Variants in ARHGAP19 observed in about 807,000 individuals in gnomAD.
ARHGAP19 encodes rho GTPase-activating protein 19.
Under a neutral mutation model 60.9 loss-of-function variants are expected in ARHGAP19, and 48 were observed. The observed-to-expected ratio is 0.79, with a 90% CI of 0.62 to 1.00. The LOEUF is 1.00. Among genes scored for constraint, ARHGAP19 ranks in the 50% least tolerant of loss-of-function variants. ARHGAP19 has a pLI of 0.00. For missense variants in ARHGAP19, 562 were observed against 597.2 expected (o/e 0.94, Z 0.61); for synonymous variants, 209 against 215.5 (o/e 0.97, Z 0.27).
intron 6 of ARHGAP19, among the ~76,000 whole-genome samples, chr10:97,252,851 C>T (rs1011791434): frequency 6.6e-6 from 1 of 152,120 alleles, no homozygotes; most frequent in African/African-American, 2.4e-5. Flanking sequence ...ATATCTGCAT[C>T]CCCATGTTTA....
At chr10:97,276,543 GA>G (rs1490036523) in intron 1 of ARHGAP19, among the ~76,000 whole-genome samples, 2 of 5,420 alleles carry the variant, frequency 3.7e-4, no homozygotes, top group African/African-American at 4.4e-4. Context: ...CCCCATCCGG[GA>G]GGGAGGTGGG....
At chr10:97,251,195 AG>A (rs2134855545) in intron 6 of ARHGAP19, among the ~76,000 whole-genome samples, 1 of 62,038 alleles carries the variant, frequency 1.6e-5, no homozygotes, top group Non-Finnish European at 3.0e-5. Flanking sequence ...AAGGAAGGGA[AG>A]GGGAAAGGGA....
At chr10:97,244,600 T>C (rs1842536542) in intron 7 of ARHGAP19, among the ~76,000 whole-genome samples, 1 of 152,204 alleles carries the variant, frequency 6.6e-6, no homozygotes, top group Non-Finnish European at 1.5e-5. Flanking sequence ...CTCTGACTCT[T>C]GGCTAATACT....
Position 97,246,065 on chromosome 10 carries a change from C to CT in ARHGAP19, c.993+206_993+207insA, listed in dbSNP as rs566533149. On this transcript the variant is annotated intron_variant, in intron 7 of 11. Coordinates refer to ENST00000358531, the MANE Select transcript of ARHGAP19 (RefSeq NM_032900.6). The stretch of plus-strand genomic sequence containing the variant: ...CACTGAGATTACAGGCCTGAGTTAC[C>CT]ATACCTCACATGTGGAGCATTTGTA... Among the ~76,000 whole-genome samples the CT allele has an allele frequency of 6.7e-4, 102 of 152,242 alleles. 1 individual carries two copies. Among genetic ancestry groups the CT allele is most frequent in the African/African-American group, 2.2e-3 (92 of 41,532 alleles).
chr10:97,245,337 A>G, intron 7 of ARHGAP19, among the ~76,000 whole-genome samples: 1 of 151,958 alleles, frequency 6.6e-6, no homozygotes, highest in East Asian at 1.9e-4. Context: ...CTCAATACTC[A>G]TATCTAGGCT....
chr10:97,292,424 CCTCA>C, intron 1 of ARHGAP19, 144 bp downstream of exon 1: 2 of 1,063,474 alleles, frequency 1.9e-6, no homozygotes, highest in Non-Finnish European at 2.8e-6. Context: ...GACCCCCGCG[CCTCA>C]GCCCCCGCAG....
chr10:97,279,097 A>G (rs183060113), intron 1 of ARHGAP19, among the ~76,000 whole-genome samples: 225 of 152,366 alleles, frequency 1.5e-3, no homozygotes, highest in African/African-American at 5.3e-3. Context: ...AAGCTGTTAG[A>G]TAAGAAATAC....
chr10:97,280,854 G>A (rs934449212), intron 1 of ARHGAP19, among the ~76,000 whole-genome samples: 3 of 152,138 alleles, frequency 2.0e-5, no homozygotes, highest in South Asian at 2.1e-4. Flanking sequence ...CCAAGTGCTG[G>A]CATTAGGCAT....
chr10:97,256,614 GA>G (rs1589461192), intron 5 of ARHGAP19: 3 of 413,914 alleles, frequency 7.2e-6, no homozygotes, highest in East Asian at 7.7e-5. Flanking sequence ...GGAAATCCTT[GA>G]AAACCATTTT....
chr10:97,261,539 G>A (rs979330768), intron 4 of ARHGAP19, among the ~76,000 whole-genome samples: 1 of 151,920 alleles, frequency 6.6e-6, no homozygotes, highest in African/African-American at 2.4e-5. Context: ...CTTTTTCAAA[G>A]GTCTAACATC....
chr10:97,254,561 G>A (rs7895498), intron 6 of ARHGAP19, among the ~76,000 whole-genome samples: 10 of 152,022 alleles, frequency 6.6e-5, no homozygotes, highest in African/African-American at 2.4e-4. Context: ...ATAAACATAA[G>A]ACCTAAAACT....
intron 11 of ARHGAP19, among the ~76,000 whole-genome samples, chr10:97,227,873 TAA>T (rs1347241959): frequency 6.6e-6 from 1 of 152,230 alleles, no homozygotes; most frequent in East Asian, 1.9e-4. Context: ...GACTGGTTTT[TAA>T]AAAACGTCTT....
chr10:97,243,895 A>G (rs1038435852), intron 8 of ARHGAP19, 73 bp downstream of exon 8: 28 of 1,377,704 alleles, frequency 2.0e-5, no homozygotes, highest in Non-Finnish European at 2.7e-5. Flanking sequence ...GATTCTTAAC[A>G]ATATGACCTA....
intron 1 of ARHGAP19, among the ~76,000 whole-genome samples, chr10:97,284,110 T>G (rs1843122949): frequency 6.6e-6 from 1 of 151,934 alleles, no homozygotes; most frequent in African/African-American, 2.4e-5. Context: ...TTTTCTCTTA[T>G]TTTTATTTGT....
rs761649236 is a variant in ARHGAP19, at chr10:97,229,879, T to C, written c.1285-5A>G. On this transcript the variant is annotated splice_region_variant and splice_polypyrimidine_tract_variant and intron_variant, in intron 9 of 11. Coordinates refer to ENST00000358531, the MANE Select transcript of ARHGAP19 (RefSeq NM_032900.6). ...CTGATTTCCCAGGACCTTCCGCTGA[T>C]TTAAGAACAGAAAACATTTGATTTA... is the stretch of plus-strand genomic sequence containing the variant. The C allele has an allele frequency of 3.2e-6, 5 of 1,582,014 alleles. No individual in the cohort carries two copies. In the South Asian group the frequency reaches 4.5e-5, roughly 14 times the overall value.
At chr10:97,230,043 T>C (rs1850978438) in intron 9 of ARHGAP19, among the ~76,000 whole-genome samples, 169 bp from the exon 10 acceptor site, 1 of 151,542 alleles carries the variant, frequency 6.6e-6, no homozygotes, top group Non-Finnish European at 1.5e-5. Flanking sequence ...CAAAGCATGT[T>C]ACCAAAAAAA....
At chr10:97,227,723 T>G (rs1013256856) in intron 11 of ARHGAP19, among the ~76,000 whole-genome samples, 2 of 152,036 alleles carry the variant, frequency 1.3e-5, no homozygotes, top group African/African-American at 2.4e-5. Flanking sequence ...AACCATATAT[T>G]CTCTCCCCCA....
chr10:97,229,926 G>T, intron 9 of ARHGAP19, 52 bp from the exon 10 acceptor site: 1 of 1,311,648 alleles, frequency 7.6e-7, no homozygotes, highest in Non-Finnish European at 1.1e-6. Context: ...TGCATCTACA[G>T]TGGAGCTATA....
intron 6 of ARHGAP19, among the ~76,000 whole-genome samples, chr10:97,251,488 G>A: frequency 1.3e-4 from 1 of 7,548 alleles, no homozygotes; most frequent in African/African-American, 5.9e-4. Flanking sequence ...GAGGGGAAGG[G>A]GAGGGGAAAG....
Sources: allele counts gnomAD v4.1 joint callset (sites outside exome capture counted in the v4.1 genomes callset), GRCh38; gene constraint gnomAD v4.1.1; transcripts MANE v1.5; gene names NCBI Gene and HGNC (gene_info 2026-07-23, HGNC 2026-07-21).